Variants in CUX1 observed in about 807,000 individuals in gnomAD.
The protein encoded by CUX1 is protein CASP.
A neutral mutation model predicts 158.8 loss-of-function variants in CUX1; 31 were observed. The ratio of observed to expected loss-of-function variants is 0.20; its 90% CI spans 0.15 to 0.26. CUX1 has a LOEUF of 0.26. CUX1 is among the 10% of genes least tolerant of loss of function. The pLI is 1.00. For synonymous variants in CUX1, 879 were observed against 862.1 expected (o/e 1.02, Z -0.34); for missense variants, 1,589 against 2,014.6 (o/e 0.79, Z 4.04).
upstream of CUX1, chr7:101,817,504 G>T: frequency 6.1e-6 from 7 of 1,139,850 alleles, no homozygotes; most frequent in Non-Finnish European, 7.5e-6. The surrounding 1 kb of genome is among the most constrained non-coding windows in gnomAD (Gnocchi z 4.1). Flanking sequence ...CCGCGCCCGA[G>T]TCGCCGCCGT....
chr7:101,960,113 CA>C (rs1336449845), intron 2 of CUX1: 3 of 152,152 alleles, frequency 2.0e-5, no homozygotes, highest in Admixed American at 6.5e-5. Context: ...ACCCAGTGAC[CA>C]ACTGTGTTTG....
At chr7:102,219,377 C>A (rs1554526077) in intron 20 of CUX1, among the ~76,000 whole-genome samples, 1 of 152,134 alleles carries the variant, frequency 6.6e-6, no homozygotes, top group African/African-American at 2.4e-5. Flanking sequence ...CCCTTCTCCA[C>A]CTCCTCCCCC....
chr7:101,821,638 C>CCTATTTT (rs1343229314), intron 1 of CUX1, among the ~76,000 whole-genome samples: 52 of 143,190 alleles, frequency 3.6e-4, no homozygotes, highest in Non-Finnish European at 5.6e-4. Flanking sequence ...GTGCCCGGCC[C>CCTATTTT]CTATTTTCTT....
At chr7:102,157,373 C>T (rs1298109069) in intron 8 of CUX1, among the ~76,000 whole-genome samples, 1 of 152,112 alleles carries the variant, frequency 6.6e-6, no homozygotes. Flanking sequence ...AGCCTGTGGC[C>T]TTCTAACAGA....
rs1554519215 is a variant in CUX1 at position 102,200,054 on chromosome 7, G to A, written c.1961-17G>A. On this transcript the variant is annotated splice_polypyrimidine_tract_variant and intron_variant, in intron 16 of 23. Transcript: ENST00000292535. ...GGGGTTTGGGTTTGATGTCATTGGCGCAACTTCTCCCCACAGGTAACATCA... is the reference window on the plus strand; with the variant it reads ...GGGGTTTGGGTTTGATGTCATTGGCACAACTTCTCCCCACAGGTAACATCA... The A allele has an allele frequency of 4.4e-6, 7 of 1,593,122 alleles. No individual in the cohort carries two copies. The highest frequency in any genetic ancestry group is 2.3e-5 in the South Asian group (2 of 87,774).
Position 102,033,478 on chromosome 7 carries a change from A to G in CUX1, c.189+5333A>G, listed in dbSNP as rs191914214. On this transcript the variant is annotated intron_variant, in intron 3 of 23. Coordinates refer to ENST00000292535, the MANE Select transcript of CUX1 (RefSeq NM_181552.4). ...CAAACCACTGTACTCATCAAGACAAAAAATGTTAGGAATAAAATTGGGGAT... is the reference window on the plus strand; with the variant it reads ...CAAACCACTGTACTCATCAAGACAAGAAATGTTAGGAATAAAATTGGGGAT... Among the ~76,000 whole-genome samples the G allele has an allele frequency of 2.0e-4, 31 of 152,358 alleles. No individual in the cohort carries two copies. In the East Asian group the frequency reaches 6.0e-3, roughly 29 times the overall value.
intron 7 of CUX1, chr7:102,112,018 C>T (rs371150455): frequency 1.5e-4 from 65 of 429,858 alleles, no homozygotes; most frequent in Non-Finnish European, 2.4e-4. Flanking sequence ...CCCTTCCACA[C>T]GCCATCCTTG....
chr7:102,111,927 G>A (rs1220489091), intron 7 of CUX1, 153 bp downstream of exon 7: 2 of 610,114 alleles, frequency 3.3e-6, no homozygotes, highest in Non-Finnish European at 5.8e-6. Flanking sequence ...TCCGCAGCAC[G>A]CCCGCCAGCT....
intron 20 of CUX1, among the ~76,000 whole-genome samples, chr7:102,225,237 A>G (rs1355315072): frequency 6.6e-6 from 1 of 152,208 alleles, no homozygotes; most frequent in African/African-American, 2.4e-5. Flanking sequence ...TCCCAGGTCA[A>G]GGACACAGCC....
At chr7:102,056,220 C>CAA (rs1476504002) in intron 3 of CUX1, among the ~76,000 whole-genome samples, 17 of 152,192 alleles carry the variant, frequency 1.1e-4, no homozygotes, top group Non-Finnish European at 2.5e-4. Context: ...CTAAGATAAT[C>CAA]AACGAAGATG....
intron 8 of CUX1, among the ~76,000 whole-genome samples, chr7:102,144,401 G>A (rs1563305238): frequency 6.6e-6 from 1 of 152,026 alleles, no homozygotes; most frequent in African/African-American, 2.4e-5. Context: ...CGTCTCACCT[G>A]TCCCCACTCC....
intron 2 of CUX1, among the ~76,000 whole-genome samples, chr7:102,002,552 G>A (rs138607461): frequency 1.2e-4 from 19 of 152,292 alleles, no homozygotes; most frequent in Middle Eastern, 3.4e-3. Flanking sequence ...CGAGAGTTCC[G>A]AGTGGCCAGT....
chr7:102,264,040 C>T (rs1554544578), intron 14 of CUX1, among the ~76,000 whole-genome samples: 1 of 127,256 alleles, frequency 7.9e-6, no homozygotes, highest in Non-Finnish European at 1.6e-5. Context: ...GAGTCTTGCT[C>T]TGTCACCCAG....
At chr7:101,817,302 G>C (rs1791954088), upstream of CUX1, 1 of 984,438 alleles carries the variant, frequency 1.0e-6, no homozygotes, top group Non-Finnish European at 1.2e-6. The surrounding 1 kb of genome is among the most constrained non-coding windows in gnomAD (Gnocchi z 4.1). Flanking sequence ...CCTTCCTTGC[G>C]TCCCCTCGGG....
chr7:102,194,012 C>A, intron 13 of CUX1, 122 bp downstream of exon 13: 1 of 923,196 alleles, frequency 1.1e-6, no homozygotes, highest in South Asian at 1.5e-5. Flanking sequence ...GCCGATGAGT[C>A]ATACTTCAAG....
intron 2 of CUX1, among the ~76,000 whole-genome samples, chr7:101,928,410 A>C (rs2129109855): frequency 7.3e-6 from 1 of 137,848 alleles, no homozygotes; most frequent in African/African-American, 2.7e-5. Flanking sequence ...TCCCTCTGTC[A>C]CCCAGGCTGG....
intron 1 of CUX1, among the ~76,000 whole-genome samples, chr7:101,907,473 C>T (rs1430144773): frequency 2.6e-5 from 4 of 152,132 alleles, no homozygotes; most frequent in Non-Finnish European, 2.9e-5. Context: ...CTCAGCCTCC[C>T]GAATAGCTGG....
At chr7:102,101,812 T>C (rs1456909825) in intron 5 of CUX1, among the ~76,000 whole-genome samples, 10 of 151,908 alleles carry the variant, frequency 6.6e-5, no homozygotes, top group African/African-American at 2.4e-4. Flanking sequence ...TTCGGGAGAC[T>C]GAGGCACGAG....
At chr7:102,109,046 A>G (rs911536743) in intron 6 of CUX1, among the ~76,000 whole-genome samples, 5 of 152,130 alleles carry the variant, frequency 3.3e-5, no homozygotes, top group Non-Finnish European at 7.3e-5. Flanking sequence ...CATTCTTTAT[A>G]ACAAAAAATT....
Sources: allele counts gnomAD v4.1 joint callset (sites outside exome capture counted in the v4.1 genomes callset), GRCh38; gene constraint gnomAD v4.1.1; non-coding constraint Gnocchi (gnomAD v3.1); transcripts MANE v1.5; gene names NCBI Gene and HGNC (gene_info 2026-07-23, HGNC 2026-07-21).